Variants in MMEL1 observed in about 807,000 individuals in gnomAD.
The protein encoded by MMEL1 is membrane metallo-endopeptidase-like 1.
A neutral mutation model predicts 117.1 loss-of-function variants in MMEL1; 98 were observed. The observed-to-expected ratio is 0.84, with a 90% CI of 0.71 to 0.99. MMEL1 has a LOEUF of 0.99. Ranked by LOEUF, MMEL1 falls within the 50% of genes least tolerant of loss-of-function variation. The pLI is 0.00. For synonymous variants in MMEL1, 390 were observed against 415.1 expected (o/e 0.94, Z 0.74); for missense variants, 1,014 against 1,049.1 (o/e 0.97, Z 0.46).
chr1:2,616,770 G>A (rs1645207728), intron 2 of MMEL1, among the ~76,000 whole-genome samples: 1 of 152,208 alleles, frequency 6.6e-6, no homozygotes, highest in African/African-American at 2.4e-5. Context: ...CTAGTCAGAT[G>A]TATCCAGAAC....
intron 2 of MMEL1, among the ~76,000 whole-genome samples, chr1:2,626,366 C>A (rs1007369203): frequency 6.6e-6 from 1 of 152,184 alleles, no homozygotes. Context: ...GTTCACAGAC[C>A]AGGTTTATAC....
At chr1:2,620,377 CAA>C (rs1444718211) in intron 2 of MMEL1, among the ~76,000 whole-genome samples, 1 of 152,178 alleles carries the variant, frequency 6.6e-6, no homozygotes, top group Non-Finnish European at 1.5e-5. Flanking sequence ...TTCACATAGA[CAA>C]GAGATAAGAG....
chr1:2,600,960 A>G (rs1189251258), intron 11 of MMEL1, among the ~76,000 whole-genome samples: 1 of 152,226 alleles, frequency 6.6e-6, no homozygotes, highest in African/African-American at 2.4e-5. Flanking sequence ...AAATTGAAGC[A>G]TAAATGGAAG....
Position 2,594,931 on chromosome 1 carries a change from C to T in MMEL1, c.1585-38G>A, listed in dbSNP as rs774109618. 3.1e-5 allele frequency: 49 copies of T among 1,571,060 alleles called. 1 individual carries two copies. In the South Asian group the frequency reaches 3.8e-4, roughly 12 times the overall value. ...GGCAGTCACTGCCAGATGCTGGGGC[C>T]GGGCCCTCAGAGGAGCAAGGGGAGA... On this transcript the variant is annotated intron_variant, in intron 16 of 23. Transcript: ENST00000378412.
chr1:2,609,961 G>A, intron 4 of MMEL1, 130 bp from the exon 5 acceptor site: 1 of 1,016,930 alleles, frequency 9.8e-7, no homozygotes, highest in Non-Finnish European at 1.4e-6. Flanking sequence ...TCCAGTCGCA[G>A]CTGTGTGCCC....
intron 16 of MMEL1, 66 bp from the exon 17 acceptor site, chr1:2,594,959 T>G: frequency 1.4e-6 from 2 of 1,389,776 alleles, no homozygotes; most frequent in Non-Finnish European, 2.0e-6. Flanking sequence ...AGGGGAGAGG[T>G]CCTGGGTGGT....
At chr1:2,616,326 G>A (rs1178055492) in intron 2 of MMEL1, among the ~76,000 whole-genome samples, 1 of 136,506 alleles carries the variant, frequency 7.3e-6, no homozygotes, top group Admixed American at 7.5e-5. Context: ...CTGGGCAACA[G>A]AGTGAGACCC....
At position 2,598,672 on chromosome 1, in the gene MMEL1, A is replaced by G; in HGVS notation, c.1160T>C (p.Ile387Thr). The change falls in exon 12 of 24, where the codon ATC (isoleucine) becomes ACC (threonine). Residue 387 changes from isoleucine to threonine, a missense_variant. Physicochemically the swap from Ile to Thr is moderately conservative, Grantham distance 89. Coordinates refer to ENST00000378412, the MANE Select transcript of MMEL1 (RefSeq NM_033467.4). The stretch of plus-strand genomic sequence containing the variant: ...GCCTCACCTGGCTGAGTAGGTGTCG[A>G]TGATGTTTTCAAGGTTCTGCAGGTA... ...IPYLQNLENI[I>T]DTYSARTIQN... 1 of 1,614,122 alleles carries G rather than the reference A, an allele frequency of 6.2e-7. No homozygotes were observed. Among genetic ancestry groups the G allele is most frequent in the Non-Finnish European group, 8.5e-7 (1 of 1,180,010 alleles).
chr1:2,617,005 C>T (rs150427470), intron 2 of MMEL1, among the ~76,000 whole-genome samples: 24 of 152,288 alleles, frequency 1.6e-4, no homozygotes, highest in African/African-American at 3.1e-4. Context: ...ATGTTTTTTC[C>T]GTGTCGTCCC....
Position 2,590,956 on chromosome 1 carries a change from T to A in MMEL1, c.*34A>T. ...CGCACAGATGCCTCCGAGCAGCGGG[T>A]GGGCGTGGGCCGCACAGCGCGGCAG... On this transcript the variant is annotated 3_prime_UTR_variant, in exon 24 of 24. Coordinates refer to ENST00000378412, the MANE Select transcript of MMEL1 (RefSeq NM_033467.4). 1 of 1,447,812 alleles carries A rather than the reference T, an allele frequency of 6.9e-7. No homozygotes were observed. Among genetic ancestry groups the A allele is most frequent in the Non-Finnish European group, 9.2e-7 (1 of 1,091,384 alleles). 89.7% of individuals were successfully genotyped at this position (1,447,812 alleles called of 1,614,324 possible). A position where few individuals can be genotyped will look rare whatever the true frequency, so the allele number is the denominator to read the frequency against.
chr1:2,606,243 C>T lies in MMEL1; in HGVS notation c.750+5G>A, dbSNP rs776058609. The T allele has an allele frequency of 1.6e-5, 25 of 1,611,830 alleles. No homozygotes were observed. The highest frequency in any genetic ancestry group is 2.1e-5 in the Non-Finnish European group (25 of 1,178,670). On this transcript the variant is annotated splice_donor_5th_base_variant and intron_variant, in intron 8 of 23. Transcript: ENST00000378412. Reference sequence around the variant, plus strand: ...CCTACCCCTGCCCACCGGCGCGGCTCGTACGTAGATGATGTGCCGGCTGGA... The same window carrying T: ...CCTACCCCTGCCCACCGGCGCGGCTTGTACGTAGATGATGTGCCGGCTGGA...
At position 2,592,963 on chromosome 1, in the gene MMEL1, C is replaced by T. The variant is rs199865951; in HGVS notation, c.1871G>A (p.Arg624Gln). 67 of 1,613,094 alleles carry T rather than the reference C, an allele frequency of 4.2e-5. No individual in the cohort carries two copies. The African/African-American group carries it at 4.3e-4, about 10-fold the overall frequency. ...CATGTTGCCATTCTTGTCGAAGTTC[C>T]GGCCTGGGCAGGGGCAGAGGAGGGC... ...EITHGFDDNG[R>Q]NFDKNGNMMD... The change falls in exon 20 of 24, where the codon CGG becomes CAG. Residue 624 changes from arginine to glutamine, a missense_variant. By Grantham distance (43) the Arg-to-Gln change is conservative. Transcript: ENST00000378412.
chr1:2,605,942 T>C (rs1645018671), intron 8 of MMEL1, among the ~76,000 whole-genome samples: 1 of 152,152 alleles, frequency 6.6e-6, no homozygotes, highest in Non-Finnish European at 1.5e-5. Flanking sequence ...CTCCAGCCCG[T>C]GGCCAGCAGT....
chr1:2,606,469 T>C, intron 7 of MMEL1, 103 bp from the exon 8 acceptor site: 1 of 813,794 alleles, frequency 1.2e-6, no homozygotes, highest in Non-Finnish European at 2.0e-6. Context: ...TAGGGGGCCA[T>C]AGGGTGGGGA....
chr1:2,601,067 G>A (rs3001837), intron 11 of MMEL1, among the ~76,000 whole-genome samples: 89,071 of 152,044 alleles, frequency 0.59, 27,082 homozygotes, highest in Non-Finnish European at 0.68. Context: ...TTCTAGCAGA[G>A]TTTTCTTTTT....
intron 6 of MMEL1, among the ~76,000 whole-genome samples, chr1:2,608,811 T>TATACATAACAACACACATACATGC (rs1180844706): frequency 6.6e-6 from 1 of 151,930 alleles, no homozygotes; most frequent in Non-Finnish European, 1.5e-5. Flanking sequence ...CATATACACA[T>TATACATAACAACACACATACATGC]ATACATAACA....
At chr1:2,621,973 G>A (rs540475077) in intron 2 of MMEL1, among the ~76,000 whole-genome samples, 5 of 152,234 alleles carry the variant, frequency 3.3e-5, no homozygotes, top group South Asian at 2.1e-4. Flanking sequence ...GCTGTGTCAC[G>A]GGCCATTGGT....
At chr1:2,615,592 AG>A (rs1175103519) in intron 2 of MMEL1, among the ~76,000 whole-genome samples, 1 of 152,222 alleles carries the variant, frequency 6.6e-6, no homozygotes, top group Non-Finnish European at 1.5e-5. Flanking sequence ...ATGTGAATTG[AG>A]TGTGAACTTT....
intron 8 of MMEL1, among the ~76,000 whole-genome samples, 174 bp from the exon 9 acceptor site, chr1:2,605,797 T>G (rs1645015234): frequency 1.1e-5 from 1 of 88,564 alleles, no homozygotes. Flanking sequence ...CCCCGAGTGA[T>G]GGTGGGGGCG....
Sources: gnomAD v4.1 joint callset for allele counts (sites outside exome capture counted in the v4.1 genomes callset) on GRCh38, gnomAD v4.1.1 for gene constraint, MANE v1.5 for transcripts, NCBI Gene and HGNC (gene_info 2026-07-23, HGNC 2026-07-21) for gene names.